The following AHCYL2 variants were observed in gnomAD, a reference collection of about 807,000 sequenced individuals.
AHCYL2 encodes S-adenosylhomocysteine hydrolase-like protein 2.
Under a neutral mutation model 81.4 loss-of-function variants are expected in AHCYL2, and 28 were observed. The observed-to-expected ratio is 0.34, with a 90% CI of 0.25 to 0.47. The LOEUF (loss-of-function observed/expected upper bound fraction) is 0.47, where lower values mean the gene tolerates loss of function less well. Ranked by LOEUF, AHCYL2 falls within the 20% of genes least tolerant of loss-of-function variation. AHCYL2 has a pLI of 1.00. For missense variants in AHCYL2, 551 were observed against 785.1 expected, an observed-to-expected ratio of 0.70 and a Z score of 3.56; for synonymous variants, 272 against 290.2, an observed-to-expected ratio of 0.94 and a Z score of 0.64.
chr7:129,340,493 G>A (rs899560056), intron 1 of AHCYL2, among the ~76,000 whole-genome samples: 102 of 150,744 alleles, frequency 6.8e-4, no homozygotes, highest in African/African-American at 2.3e-3. Flanking sequence ...GCGTGAACTC[G>A]GGAGGCGGAA....
rs1455117570 is a variant in AHCYL2, at chr7:129,225,389, C to T, written c.313C>T (p.Leu105=). The T allele has an allele frequency of 6.6e-7, 1 of 1,517,612 alleles. No homozygotes were observed. The highest frequency in any genetic ancestry group is 2.7e-5 in the East Asian group (1 of 37,632). 94.0% of individuals were successfully genotyped at this position (1,517,612 alleles called of 1,614,324 possible). ...HQRHRDGGEA[L]VSPDGTVTEA... ...GCGGCACCGCGACGGCGGCGAGGCC[C>T]TGGTCAGCCCCGACGGCACCGTCAC... Residue 105 remains leucine (L), a synonymous_variant, in exon 1 of 17, where the codon CTG becomes TTG. Coordinates refer to ENST00000325006, the MANE Select transcript of AHCYL2 (RefSeq NM_015328.4).
chr7:129,325,029 A>G (rs956901353), intron 1 of AHCYL2, among the ~76,000 whole-genome samples: 2 of 152,162 alleles, frequency 1.3e-5, no homozygotes, highest in South Asian at 4.1e-4. Flanking sequence ...ACATAACTCC[A>G]CAGTACCTTT....
rs1017947369 is a variant in AHCYL2, at chr7:129,426,882, T to A, written c.1830-157T>A. ...ATCTCTTTATGGAGAAATATTGGCC[T>A]TTTTCAATGATGTGAAAAGGAAACA... On this transcript the variant is annotated intron_variant, in intron 16 of 16. Coordinates refer to ENST00000325006, the MANE Select transcript of AHCYL2 (RefSeq NM_015328.4). This position sits in a 1 kb window ranked among gnomAD's most constrained non-coding sequence, Gnocchi z 4.3. 6.6e-6 allele frequency among the ~76,000 whole-genome samples: 1 copy of A among 152,068 alleles called. No homozygotes were observed. Among genetic ancestry groups the A allele is most frequent in the African/African-American group, 2.4e-5 (1 of 41,414 alleles).
At chr7:129,271,136 G>GCGGATCACGAGGTCAGGAGATGAGA (rs1795996400) in intron 1 of AHCYL2, among the ~76,000 whole-genome samples, 2 of 151,940 alleles carry the variant, frequency 1.3e-5, no homozygotes, top group South Asian at 4.2e-4. Context: ...GCCGAGGCGG[G>GCGGATCACGAGGTCAGGAGATGAGA]CGGATCACGA....
At chr7:129,360,625 G>A (rs1328521394) in intron 1 of AHCYL2, among the ~76,000 whole-genome samples, 5 of 152,206 alleles carry the variant, frequency 3.3e-5, no homozygotes, top group Admixed American at 3.3e-4. Flanking sequence ...AGTAATTCGT[G>A]TAATTGATTC....
Position 129,379,530 on chromosome 7 carries a change from C to G in AHCYL2, c.364-108C>G, listed in dbSNP as rs1794850393. 5.5e-6 allele frequency: 4 copies of G among 728,582 alleles called. No homozygotes were observed. In the East Asian group the frequency reaches 1.1e-4, roughly 20 times the overall value. The allele number at this position is 728,582 out of a possible 1,614,324, so 45.1% of individuals were successfully genotyped here. Reference sequence around the variant, plus strand: ...TTAATATCCCAAACATAGGTTGATACAATCAGATCAACTGTTAGGGAAGGT... The same window carrying G: ...TTAATATCCCAAACATAGGTTGATAGAATCAGATCAACTGTTAGGGAAGGT... On this transcript the variant is annotated intron_variant, in intron 1 of 16. Coordinates refer to ENST00000325006, the MANE Select transcript of AHCYL2 (RefSeq NM_015328.4).
chr7:129,247,592 AATAG>A, intron 1 of AHCYL2, among the ~76,000 whole-genome samples: 1 of 118,658 alleles, frequency 8.4e-6, no homozygotes, highest in East Asian at 2.7e-4. Context: ...CTACTTTTTA[AATAG>A]ATTGTACTTT....
chr7:129,379,668 T>C lies in AHCYL2; in HGVS notation c.394T>C (p.Phe132Leu). ...CCAGTTTGCTGACCAGAAGCAAGAATTCAACAAACGTCCCACCAAAATTGG... is the reference window on the plus strand; with the variant it reads ...CCAGTTTGCTGACCAGAAGCAAGAACTCAACAAACGTCCCACCAAAATTGG... ...QIQFADQKQE[F>L]NKRPTKIGRR... Residue 132 changes from phenylalanine (F) to leucine (L), a missense_variant, in exon 2 of 17, where the codon TTC becomes CTC. Around this residue, in one of 2 missense-constraint regions of AHCYL2, gnomAD observed 235 missense variants for 242.1 expected, o/e 0.97. Transcript: ENST00000325006. 1 of 1,614,140 alleles carries C rather than the reference T, an allele frequency of 6.2e-7. No individual in the cohort carries two copies.
intron 1 of AHCYL2, among the ~76,000 whole-genome samples, chr7:129,282,747 ATT>A (rs1409031284): frequency 6.6e-6 from 1 of 151,186 alleles, no homozygotes; most frequent in Non-Finnish European, 1.5e-5. Flanking sequence ...AACATTGTGA[ATT>A]TTACCTGTTT....
chr7:129,420,562 C>T (rs903792458), intron 12 of AHCYL2, among the ~76,000 whole-genome samples: 1 of 149,668 alleles, frequency 6.7e-6, no homozygotes, highest in African/African-American at 2.5e-5. Flanking sequence ...TCACTGCAGA[C>T]TCGACTTCCT....
At chr7:129,297,322 T>C (rs1195132876) in intron 1 of AHCYL2, among the ~76,000 whole-genome samples, 1 of 152,204 alleles carries the variant, frequency 6.6e-6, no homozygotes, top group African/African-American at 2.4e-5. Flanking sequence ...AACTTCATCT[T>C]AGGACCGGGC....
intron 1 of AHCYL2, among the ~76,000 whole-genome samples, chr7:129,292,080 C>T (rs901464503): frequency 1.3e-5 from 2 of 152,030 alleles, no homozygotes; most frequent in Non-Finnish European, 2.9e-5. Context: ...TCATGTATTA[C>T]TGTAAAAAAA....
intron 12 of AHCYL2, among the ~76,000 whole-genome samples, chr7:129,415,633 C>CA (rs1170561870): frequency 1.3e-3 from 146 of 109,220 alleles, no homozygotes; most frequent in African/African-American, 3.2e-3. Context: ...AACTCCATCT[C>CA]AAAAAAAAAA....
chr7:129,410,438 CAA>C, intron 11 of AHCYL2: 1 of 1,448,436 alleles, frequency 6.9e-7, no homozygotes, highest in Non-Finnish European at 9.7e-7. Context: ...CCTCAGCGTC[CAA>C]ACAGATCTTA....
rs538004531 is a variant in AHCYL2, at chr7:129,368,272, A to C, written c.364-11366A>C. The C allele has an allele frequency of 1.4e-6, 2 of 1,409,370 alleles. No individual in the cohort carries two copies. Among genetic ancestry groups the C allele is most frequent in the Admixed American group, 6.0e-5 (2 of 33,414 alleles). 87.3% of individuals were successfully genotyped at this position (1,409,370 alleles called of 1,614,324 possible). ...ATCAGCTCTGATTTTGAAATCAGAC[A>C]CAGAAGGCTTTGAAGCCGGCCAGTA... On this transcript the variant is annotated intron_variant, in intron 1 of 16. Transcript: ENST00000325006. The surrounding 1 kb of genome is among the most constrained non-coding windows in gnomAD (Gnocchi z 4.4).
intron 12 of AHCYL2, among the ~76,000 whole-genome samples, chr7:129,416,170 T>C (rs1796838433): frequency 6.6e-6 from 1 of 152,220 alleles, no homozygotes; most frequent in Non-Finnish European, 1.5e-5. Context: ...CTTCAAATCA[T>C]GATGGTAATC....
intron 1 of AHCYL2, among the ~76,000 whole-genome samples, chr7:129,243,018 CT>C (rs769701638): frequency 5.4e-3 from 673 of 125,594 alleles, no homozygotes; most frequent in African/African-American, 0.016. Context: ...TATTGTTTCT[CT>C]TTTTTTTTTT....
intron 1 of AHCYL2, among the ~76,000 whole-genome samples, chr7:129,253,537 CTG>C (rs750686544): frequency 2.0e-5 from 3 of 152,218 alleles, no homozygotes; most frequent in Non-Finnish European, 2.9e-5. Context: ...ATGGCAAACA[CTG>C]TATTTTGCTA....
intron 1 of AHCYL2, among the ~76,000 whole-genome samples, chr7:129,296,478 G>A (rs1312952770): frequency 6.6e-6 from 1 of 152,190 alleles, no homozygotes; most frequent in Non-Finnish European, 1.5e-5. Context: ...GGAGACTGAG[G>A]TGGGAGGATC....
Sources: gnomAD v4.1 joint callset for allele counts (sites outside exome capture counted in the v4.1 genomes callset) on GRCh38, gnomAD v4.1.1 for gene constraint, gnomAD v4.1.1 regional missense constraint, Gnocchi (gnomAD v3.1) non-coding constraint, MANE v1.5 for transcripts, NCBI Gene and HGNC (gene_info 2026-07-23, HGNC 2026-07-21) for gene names.